ROR1: variants seen among roughly 807,000 people sequenced by gnomAD.
ROR1 encodes ROR family WNT receptor 1.
In ROR1, 19 loss-of-function variants were observed where a neutral mutation model predicts 78.8. The ratio of observed to expected loss-of-function variants is 0.24; its 90% CI spans 0.17 to 0.35. The LOEUF (loss-of-function observed/expected upper bound fraction) is 0.35. Among genes scored for constraint, ROR1 ranks in the 10% least tolerant of loss-of-function variants. The pLI, the probability that ROR1 is intolerant of heterozygous loss-of-function variation, is 1.00. For synonymous variants in ROR1, 386 were observed against 433.6 expected, an observed-to-expected ratio of 0.89 and a Z score of 1.36; for missense variants, 917 against 1,177.8, an observed-to-expected ratio of 0.78 and a Z score of 3.24.
chr1:64,050,851 C>T, intron 4 of ROR1, 135 bp downstream of exon 4: 1 of 845,670 alleles, frequency 1.2e-6, no homozygotes, highest in Non-Finnish European at 2.0e-6. Flanking sequence ...TGCCCTCATT[C>T]CATTTTGCTT....
chr1:64,099,157 A>G (rs1340425801), intron 4 of ROR1, among the ~76,000 whole-genome samples: 1 of 152,160 alleles, frequency 6.6e-6, no homozygotes, highest in Non-Finnish European at 1.5e-5. Flanking sequence ...CCATGGAGCC[A>G]TATCCTGCTC....
chr1:63,908,473 G>A (rs912620327), intron 1 of ROR1, among the ~76,000 whole-genome samples: 1 of 152,152 alleles, frequency 6.6e-6, no homozygotes, highest in African/African-American at 2.4e-5. Context: ...AGAGAAATAT[G>A]TTAATACTCT....
At chr1:63,806,049 A>C (rs1477629119) in intron 1 of ROR1, among the ~76,000 whole-genome samples, 1 of 152,206 alleles carries the variant, frequency 6.6e-6, no homozygotes, top group Non-Finnish European at 1.5e-5. Flanking sequence ...CCTTGGCTGT[A>C]TAAGACATAT....
chr1:63,950,396 G>A (rs1645925009), intron 1 of ROR1, among the ~76,000 whole-genome samples: 1 of 152,134 alleles, frequency 6.6e-6, no homozygotes, highest in Non-Finnish European at 1.5e-5. Flanking sequence ...TGTTGCCATG[G>A]CATTTGTAAA....
intron 1 of ROR1, among the ~76,000 whole-genome samples, chr1:63,832,301 A>C (rs1644993238): frequency 1.3e-5 from 2 of 152,174 alleles, no homozygotes; most frequent in African/African-American, 2.4e-5. Flanking sequence ...CCCCACTTCT[A>C]TCAGGACCAA....
At chr1:63,984,564 C>T (rs1570014557) in intron 1 of ROR1, among the ~76,000 whole-genome samples, 1 of 152,180 alleles carries the variant, frequency 6.6e-6, no homozygotes, top group East Asian at 1.9e-4. Context: ...AAGCTAGCTG[C>T]TACTATTAAC....
intron 1 of ROR1, among the ~76,000 whole-genome samples, chr1:63,778,231 G>A (rs1238306445): frequency 6.6e-6 from 1 of 152,160 alleles, no homozygotes; most frequent in African/African-American, 2.4e-5. Flanking sequence ...AATTAATTTG[G>A]GGTACATGAA....
chr1:63,838,773 C>G (rs1215504129), intron 1 of ROR1, among the ~76,000 whole-genome samples: 1 of 152,130 alleles, frequency 6.6e-6, no homozygotes, highest in Non-Finnish European at 1.5e-5. Flanking sequence ...CACACTGATT[C>G]ACCCAGAACA....
Position 64,158,067 on chromosome 1 carries a change from C to A in ROR1, c.1175-914C>A, listed in dbSNP as rs544031749. ...TGTTTGTTTTACCAGTCAAATAATT[C>A]ATTAATGACAATATATGCCTAAGTA... On this transcript the variant is annotated intron_variant, in intron 7 of 8. Transcript: ENST00000371079. Among the ~76,000 whole-genome samples, 214 of 152,260 alleles carry A rather than the reference C, an allele frequency of 1.4e-3. 1 individual carries two copies. The highest frequency in any genetic ancestry group is 4.9e-3 in the African/African-American group (205 of 41,544).
At chr1:63,910,034 A>G (rs1285054695) in intron 1 of ROR1, among the ~76,000 whole-genome samples, 2 of 152,188 alleles carry the variant, frequency 1.3e-5, no homozygotes, top group Non-Finnish European at 2.9e-5. Context: ...CATTCTCTTA[A>G]CAAGGCACTT....
intron 8 of ROR1, among the ~76,000 whole-genome samples, chr1:64,162,558 A>C (rs562092591): frequency 1.3e-5 from 2 of 152,318 alleles, no homozygotes; most frequent in South Asian, 4.1e-4. Context: ...CTCCCATGCC[A>C]ACTGCTCTGT....
intron 1 of ROR1, among the ~76,000 whole-genome samples, chr1:63,802,428 G>C (rs1436364622): frequency 6.6e-6 from 1 of 152,196 alleles, no homozygotes; most frequent in Non-Finnish European, 1.5e-5. Flanking sequence ...TACAGTTCTT[G>C]AAGTACTTTC....
chr1:63,947,505 C>T (rs551000345), intron 1 of ROR1, among the ~76,000 whole-genome samples: 1 of 152,146 alleles, frequency 6.6e-6, no homozygotes, highest in Non-Finnish European at 1.5e-5. Context: ...GCTCTTGGGT[C>T]TGCATTGAAG....
At chr1:64,159,508 A>G (rs1417819476) in intron 8 of ROR1, among the ~76,000 whole-genome samples, 1 of 152,176 alleles carries the variant, frequency 6.6e-6, no homozygotes, top group South Asian at 2.1e-4. Flanking sequence ...TCAAAATTTC[A>G]AAGAGGAAAT....
At chr1:64,146,660 G>A (rs752652019) in intron 7 of ROR1, among the ~76,000 whole-genome samples, 6 of 152,002 alleles carry the variant, frequency 3.9e-5, no homozygotes, top group Non-Finnish European at 7.4e-5. Context: ...GCTCTATTAC[G>A]ATTAGTTTAA....
chr1:63,803,346 A>ATTT (rs535867406), intron 1 of ROR1, among the ~76,000 whole-genome samples: 1 of 145,576 alleles, frequency 6.9e-6, no homozygotes, highest in Non-Finnish European at 1.5e-5. Context: ...TCTCCATCAA[A>ATTT]TTTTTTTTTT....
Position 63,802,813 on chromosome 1 carries a change from T to C in ROR1, c.91+28305T>C, listed in dbSNP as rs573612296. On this transcript the variant is annotated intron_variant, in intron 1 of 8. Transcript: ENST00000371079. ...CAAGCAAATAAAGAGACAAAACTCCTCTGGACCAGCACTGTCCAATAAAAT... is the reference window on the plus strand; with the variant it reads ...CAAGCAAATAAAGAGACAAAACTCCCCTGGACCAGCACTGTCCAATAAAAT... Among the ~76,000 whole-genome samples the C allele has an allele frequency of 5.3e-5, 8 of 152,338 alleles. No individual in the cohort carries two copies. In the South Asian group the frequency reaches 1.7e-3, roughly 32 times the overall value.
At position 64,071,352 on chromosome 1, in the gene ROR1, G is replaced by A. The variant is rs72685141; in HGVS notation, c.482+20636G>A. 5.0e-3 allele frequency among the ~76,000 whole-genome samples: 763 copies of A among 152,306 alleles called. 1 individual carries two copies. Among genetic ancestry groups the A allele is most frequent in the Non-Finnish European group, 8.6e-3 (583 of 68,026 alleles). ...ATAAGGAAGTTTTTGCACTAGTCTA[G>A]ATGTGAAAATAGGTGGTTTGATGAC... On this transcript the variant is annotated intron_variant, in intron 4 of 8. Transcript: ENST00000371079.
At chr1:63,931,885 TA>T in intron 1 of ROR1, among the ~76,000 whole-genome samples, 1 of 152,334 alleles carries the variant, frequency 6.6e-6, no homozygotes, top group South Asian at 2.1e-4. Flanking sequence ...TCCTAATTTA[TA>T]AATGATACTT....
Sources: gnomAD v4.1 joint callset for allele counts (sites outside exome capture counted in the v4.1 genomes callset) on GRCh38, gnomAD v4.1.1 for gene constraint, MANE v1.5 for transcripts, NCBI Gene and HGNC (gene_info 2026-07-23, HGNC 2026-07-21) for gene names.